The following AK5 variants were observed in gnomAD, a reference collection of about 807,000 sequenced individuals.
AK5 encodes the protein adenylate kinase isoenzyme 5.
A neutral mutation model predicts 69.5 loss-of-function variants in AK5; 27 were observed. The ratio of observed to expected loss-of-function variants is 0.39; its 90% CI spans 0.29 to 0.54. The LOEUF is 0.54. Among genes scored for constraint, AK5 ranks in the 20% least tolerant of loss-of-function variants. The probability of loss-of-function intolerance (pLI) is 0.71; values close to 1 mark genes in which losing one functional copy is unlikely to be tolerated. For synonymous variants in AK5, 260 were observed against 244.4 expected, an observed-to-expected ratio of 1.06 and a Z score of -0.60; for missense variants, 531 against 700.4, an observed-to-expected ratio of 0.76 and a Z score of 2.73.
chr1:77,435,859 A>C (rs1411610170), intron 8 of AK5, among the ~76,000 whole-genome samples: 1 of 152,210 alleles, frequency 6.6e-6, no homozygotes, highest in Non-Finnish European at 1.5e-5. Flanking sequence ...CTTAATCCTT[A>C]GAAAGATATA....
intron 5 of AK5, among the ~76,000 whole-genome samples, chr1:77,329,095 G>A (rs902019314): frequency 6.6e-6 from 1 of 151,396 alleles, no homozygotes; most frequent in African/African-American, 2.4e-5. Context: ...TGAACTTTTG[G>A]TGGACATACT....
At chr1:77,310,040 G>C (rs1159934666) in intron 5 of AK5, among the ~76,000 whole-genome samples, 1 of 151,966 alleles carries the variant, frequency 6.6e-6, no homozygotes, top group Admixed American at 6.6e-5. Flanking sequence ...ATCTTCTATA[G>C]TTTTCTAGTT....
chr1:77,366,371 A>G (rs542425888), intron 6 of AK5, among the ~76,000 whole-genome samples: 3 of 152,240 alleles, frequency 2.0e-5, no homozygotes, highest in Non-Finnish European at 4.4e-5. Flanking sequence ...TGCTATTCCT[A>G]TTTTTGTTTT....
intron 6 of AK5, among the ~76,000 whole-genome samples, chr1:77,382,286 G>A (rs1293033719): frequency 2.1e-5 from 3 of 143,782 alleles, no homozygotes; most frequent in Admixed American, 7.2e-5. Flanking sequence ...ATGCAAAACT[G>A]GAGCAAATGA....
At chr1:77,496,497 G>T (rs984999912) in intron 10 of AK5, among the ~76,000 whole-genome samples, 1 of 152,170 alleles carries the variant, frequency 6.6e-6, no homozygotes, top group Non-Finnish European at 1.5e-5. Context: ...CATCAGAATG[G>T]TCATTCAGGT....
intron 13 of AK5, among the ~76,000 whole-genome samples, chr1:77,548,247 T>C (rs1001637319): frequency 1.3e-5 from 2 of 152,196 alleles, no homozygotes; most frequent in African/African-American, 4.8e-5. Flanking sequence ...CTACAGTCAA[T>C]GTATATATAG....
At position 77,427,039 on chromosome 1, in the gene AK5, T is replaced by C. The variant is rs114508841; in HGVS notation, c.1059+9324T>C. Reference sequence around the variant, plus strand: ...TATATTTGTATATACATTGAATTCATATATTAGAACAAAAGAAAAATTAAA... The same window carrying C: ...TATATTTGTATATACATTGAATTCACATATTAGAACAAAAGAAAAATTAAA... On this transcript the variant is annotated intron_variant, in intron 8 of 13. Coordinates refer to ENST00000354567, the MANE Select transcript of AK5 (RefSeq NM_174858.3). Among the ~76,000 whole-genome samples the C allele has an allele frequency of 5.4e-3, 820 of 152,150 alleles. 8 individuals are homozygous for C. Among genetic ancestry groups the C allele is most frequent in the African/African-American group, 0.018 (752 of 41,556 alleles).
intron 6 of AK5, among the ~76,000 whole-genome samples, chr1:77,368,245 A>ATATATATATATATATTTTTTATATATAT (rs376578923): frequency 1.5e-5 from 1 of 67,906 alleles, no homozygotes; most frequent in Non-Finnish European, 2.9e-5. Flanking sequence ...ATATATATAT[A>ATATATATATATATATTTTTTATATATAT]TATATATAAT....
At chr1:77,302,133 C>T (rs1659374951) in intron 5 of AK5, among the ~76,000 whole-genome samples, 1 of 152,060 alleles carries the variant, frequency 6.6e-6, no homozygotes. Flanking sequence ...CTCCTGGCCT[C>T]AAGTGATCAT....
intron 9 of AK5, 61 bp from the exon 10 acceptor site, chr1:77,486,247 T>TA: frequency 8.6e-7 from 1 of 1,168,440 alleles, no homozygotes; most frequent in Non-Finnish European, 1.3e-6. Flanking sequence ...ATAATATGAG[T>TA]AAAACCAGGG....
chr1:77,414,049 A>G (rs1650230858), intron 7 of AK5, among the ~76,000 whole-genome samples: 1 of 152,224 alleles, frequency 6.6e-6, no homozygotes, highest in African/African-American at 2.4e-5. Flanking sequence ...TCAGGCACTT[A>G]TAGGAGACAT....
chr1:77,451,638 A>C (rs1029175164), intron 8 of AK5, among the ~76,000 whole-genome samples: 3 of 152,246 alleles, frequency 2.0e-5, no homozygotes, highest in Non-Finnish European at 4.4e-5. Flanking sequence ...GGTACATAGG[A>C]GCTGCTTAAT....
intron 6 of AK5, among the ~76,000 whole-genome samples, chr1:77,368,241 A>ATATATATATATGT (rs1553140306): frequency 0.047 from 1,084 of 23,212 alleles, 68 homozygotes; most frequent in Non-Finnish European, 0.082. Flanking sequence ...ATATATATAT[A>ATATATATATATGT]TATATATATA....
intron 8 of AK5, among the ~76,000 whole-genome samples, chr1:77,470,853 ATATATATATATATATATATATATTT>A (rs1238221391): frequency 3.4e-4 from 1 of 2,970 alleles, no homozygotes; most frequent in African/African-American, 6.7e-4. Context: ...ATATATATAT[ATATATATATATATATATATATATTT>A]TTTTTTTTTT....
chr1:77,416,544 TC>T (rs1164487842), intron 7 of AK5, among the ~76,000 whole-genome samples: 1 of 152,160 alleles, frequency 6.6e-6, no homozygotes, highest in African/African-American at 2.4e-5. Flanking sequence ...TAGAACTTAA[TC>T]AATTTGGTAA....
At chr1:77,379,245 C>T (rs1036846317) in intron 6 of AK5, among the ~76,000 whole-genome samples, 7 of 152,132 alleles carry the variant, frequency 4.6e-5, no homozygotes, top group South Asian at 2.1e-4. Flanking sequence ...ACCTCCCTTG[C>T]GATGGATGCA....
chr1:77,417,676 T>C lies in AK5; in HGVS notation c.1020T>C (p.Thr340=), dbSNP rs1650521711. The C allele has an allele frequency of 6.2e-7, 1 of 1,609,742 alleles. No individual in the cohort carries two copies. The highest frequency in any genetic ancestry group is 8.5e-7 in the Non-Finnish European group (1 of 1,177,078). Residue 340 remains threonine (T), a synonymous_variant, in exon 8 of 14, where the codon ACT becomes ACC. Coordinates refer to ENST00000354567, the MANE Select transcript of AK5 (RefSeq NM_174858.3). ...TTGATCCTTCGATGATATTGGACACTGGAGAGATCATTGATACAGGATCTG... is the reference window on the plus strand; with the variant it reads ...TTGATCCTTCGATGATATTGGACACCGGAGAGATCATTGATACAGGATCTG... ...SDLDPSMILD[T]GEIIDTGSDY...
intron 12 of AK5, among the ~76,000 whole-genome samples, chr1:77,523,778 CCT>C (rs1658126096): frequency 6.6e-6 from 1 of 152,086 alleles, no homozygotes; most frequent in Non-Finnish European, 1.5e-5. Flanking sequence ...CCCAAGCAAT[CCT>C]CTCACCTCAG....
intron 6 of AK5, among the ~76,000 whole-genome samples, chr1:77,344,162 C>T (rs1386558920): frequency 1.3e-5 from 2 of 152,290 alleles, no homozygotes; most frequent in South Asian, 2.1e-4. Flanking sequence ...GAAAAGAAAG[C>T]CTAATCAGAT....
Sources: gnomAD v4.1 joint callset for allele counts (sites outside exome capture counted in the v4.1 genomes callset) on GRCh38, gnomAD v4.1.1 for gene constraint, MANE v1.5 for transcripts, NCBI Gene and HGNC (gene_info 2026-07-23, HGNC 2026-07-21) for gene names.